The following DTNA variants were observed in gnomAD, a reference collection of about 807,000 sequenced individuals.
DTNA encodes dystrophin-related protein 3.
DTNA carries 43 observed loss-of-function variants against 100.7 expected under a neutral mutation model. The observed-to-expected ratio is 0.43, with a 90% confidence interval of 0.33 to 0.55. The LOEUF is 0.55. DTNA is among the 20% of genes least tolerant of loss of function. DTNA has a pLI of 0.04. For missense variants in DTNA, 798 were observed against 953.9 expected (o/e 0.84, Z 2.15); for synonymous variants, 349 against 347.9 (o/e 1.00, Z -0.04).
chr18:34,664,764 T>C (rs2075668492), intron 1 of DTNA, among the ~76,000 whole-genome samples: 1 of 152,146 alleles, frequency 6.6e-6, no homozygotes, highest in Non-Finnish European at 1.5e-5. Context: ...AGTGAATTTA[T>C]AAATAAATAT....
intron 4 of DTNA, among the ~76,000 whole-genome samples, chr18:34,797,884 A>G (rs1248588512): frequency 6.6e-6 from 1 of 152,226 alleles, no homozygotes; most frequent in African/African-American, 2.4e-5. Context: ...TTCTTTAGGA[A>G]AGAACCATAT....
chr18:34,776,184 T>C (rs539366393), intron 3 of DTNA, among the ~76,000 whole-genome samples: 2 of 152,126 alleles, frequency 1.3e-5, no homozygotes, highest in East Asian at 3.9e-4. Flanking sequence ...TCCCTTATCA[T>C]CATAGAGGGA....
At chr18:34,807,786 T>C (rs575684807) in intron 5 of DTNA, among the ~76,000 whole-genome samples, 19 of 150,666 alleles carry the variant, frequency 1.3e-4, no homozygotes, top group Admixed American at 2.0e-4. Context: ...TTAAAAACTA[T>C]CTACCTCAGT....
chr18:34,690,276 C>G (rs1032962498), intron 1 of DTNA, among the ~76,000 whole-genome samples: 110 of 152,294 alleles, frequency 7.2e-4, no homozygotes, highest in African/African-American at 2.4e-3. Context: ...CCTTGTGGCA[C>G]AGGCACTCAA....
intron 1 of DTNA, among the ~76,000 whole-genome samples, chr18:34,549,066 A>C (rs2045111622): frequency 6.6e-6 from 1 of 151,920 alleles, no homozygotes; most frequent in African/African-American, 2.4e-5. Context: ...ATCCCCAAAG[A>C]AATGTCATCT....
At chr18:34,838,981 C>T in intron 13 of DTNA, 144 bp downstream of exon 13, 6 of 727,588 alleles carry the variant, frequency 8.2e-6, no homozygotes, top group Admixed American at 4.0e-5. Flanking sequence ...AGAAGTCTCT[C>T]GTGATGTTAG....
Position 34,720,241 on chromosome 18 carries a change from A to G in DTNA, c.-2+9796A>G, listed in dbSNP as rs183060997. ...AGTTTGGTTCTTATCTCCTTTCCCT[A>G]TAATGTGGGCTGGTAGGGGTGGGTT... On this transcript the variant is annotated intron_variant, in intron 1 of 22. Coordinates refer to ENST00000444659, the MANE Select transcript of DTNA (RefSeq NM_001386795.1). Among the ~76,000 whole-genome samples, 59 of 152,278 alleles carry G rather than the reference A, an allele frequency of 3.9e-4. 1 individual carries two copies. In the East Asian group the frequency reaches 7.1e-3, roughly 18 times the overall value.
At chr18:34,595,304 T>C (rs988471523) in intron 1 of DTNA, among the ~76,000 whole-genome samples, 5 of 152,234 alleles carry the variant, frequency 3.3e-5, no homozygotes, top group African/African-American at 9.6e-5. Context: ...GTAACTAATA[T>C]GTTTTTTATT....
intron 1 of DTNA, among the ~76,000 whole-genome samples, chr18:34,702,248 G>T (rs569402221): frequency 6.6e-6 from 1 of 152,238 alleles, no homozygotes; most frequent in African/African-American, 2.4e-5. Flanking sequence ...AAAGGTCAGA[G>T]ATACCACCAA....
chr18:34,684,656 T>C (rs2078616899), intron 1 of DTNA, among the ~76,000 whole-genome samples: 1 of 152,224 alleles, frequency 6.6e-6, no homozygotes, highest in Non-Finnish European at 1.5e-5. Context: ...CCTTTGGGTA[T>C]ATACCCAGTA....
Position 34,597,427 on chromosome 18 carries a change from A to G in DTNA, c.-2+103913A>G, listed in dbSNP as rs1398756443. Among the ~76,000 whole-genome samples, 6 of 152,026 alleles carry G rather than the reference A, an allele frequency of 3.9e-5. No individual in the cohort carries two copies. The East Asian group carries it at 9.7e-4, about 24-fold the overall frequency. Reference sequence around the variant, plus strand: ...CTTCATCATTTAACTTGGCTATTATATGGTCTTCCAGTTGTTCTCCTGTCT... The same window carrying G: ...CTTCATCATTTAACTTGGCTATTATGTGGTCTTCCAGTTGTTCTCCTGTCT... On this transcript the variant is annotated intron_variant, in intron 1 of 19. Transcript: ENST00000283365.
intron 1 of DTNA, among the ~76,000 whole-genome samples, chr18:34,529,793 G>A (rs544203020): frequency 6.6e-6 from 1 of 152,224 alleles, no homozygotes; most frequent in South Asian, 2.1e-4. Context: ...TCACCAGTAT[G>A]ATGCAGTATA....
chr18:34,716,382 T>C (rs1279982125), intron 1 of DTNA, among the ~76,000 whole-genome samples: 1 of 152,062 alleles, frequency 6.6e-6, no homozygotes, highest in Middle Eastern at 3.2e-3. Flanking sequence ...GCCAACGTAG[T>C]GAAACCCCAT....
intron 1 of DTNA, among the ~76,000 whole-genome samples, chr18:34,683,945 T>C (rs1441262981): frequency 6.6e-6 from 1 of 152,116 alleles, no homozygotes; most frequent in African/African-American, 2.4e-5. Context: ...GAAACAATGG[T>C]ACAAACATTC....
chr18:34,668,925 G>A (rs1439008847), intron 1 of DTNA, among the ~76,000 whole-genome samples: 3 of 152,184 alleles, frequency 2.0e-5, no homozygotes, highest in Non-Finnish European at 2.9e-5. Flanking sequence ...GGAGAGTTCT[G>A]TAGATGTCTA....
chr18:34,596,450 C>A (rs1193817465), intron 1 of DTNA, among the ~76,000 whole-genome samples: 2 of 152,066 alleles, frequency 1.3e-5, no homozygotes, highest in African/African-American at 2.4e-5. Context: ...AACTCCTGGC[C>A]TCAAGTGATC....
intron 1 of DTNA, among the ~76,000 whole-genome samples, chr18:34,497,130 A>G (rs1225720577): frequency 1.3e-5 from 2 of 152,190 alleles, no homozygotes; most frequent in Non-Finnish European, 2.9e-5. Flanking sequence ...ACTACTTTCA[A>G]ACTGAAAGAA....
intron 1 of DTNA, among the ~76,000 whole-genome samples, chr18:34,725,766 A>G (rs6507102): frequency 0.11 from 16,687 of 152,248 alleles, 1,292 homozygotes; most frequent in African/African-American, 0.21. Context: ...CCAAAGGATT[A>G]TAAATCATTC....
At chr18:34,850,523 T>C (rs2096460886) in intron 14 of DTNA, among the ~76,000 whole-genome samples, 1 of 152,210 alleles carries the variant, frequency 6.6e-6, no homozygotes, top group African/African-American at 2.4e-5. Context: ...AAGCAAAACC[T>C]TTACAAAACT....
Sources: gnomAD v4.1 joint callset for allele counts (sites outside exome capture counted in the v4.1 genomes callset) on GRCh38, gnomAD v4.1.1 for gene constraint, MANE v1.5 for transcripts, NCBI Gene and HGNC (gene_info 2026-07-23, HGNC 2026-07-21) for gene names.